Variants in MYO1D observed in about 807,000 individuals in gnomAD.
MYO1D encodes the protein myosin ID, also known as unconventional myosin-Id.
MYO1D carries 83 observed loss-of-function variants against 122.0 expected under a neutral mutation model. The observed-to-expected ratio is 0.68, with a 90% CI of 0.57 to 0.82. The LOEUF is 0.82. Among genes scored for constraint, MYO1D ranks in the 40% least tolerant of loss-of-function variants. The pLI, the probability that MYO1D is intolerant of heterozygous loss-of-function variation, is 0.00. For missense variants in MYO1D, 1,157 were observed against 1,269.5 expected (o/e 0.91, Z 1.35); for synonymous variants, 464 against 446.9 (o/e 1.04, Z -0.48).
chr17:32,810,847 A>T (rs2090564542), intron 1 of MYO1D, among the ~76,000 whole-genome samples: 1 of 151,172 alleles, frequency 6.6e-6, no homozygotes, highest in Admixed American at 6.6e-5. Flanking sequence ...CTGTTTGAGG[A>T]GTTGTCTTTT....
At chr17:32,721,226 G>C in intron 14 of MYO1D, 37 bp from the exon 15 acceptor site, 1 of 1,600,120 alleles carries the variant, frequency 6.2e-7, no homozygotes, top group Admixed American at 1.7e-5. Flanking sequence ...AGTTTCACTG[G>C]AGAAAATTTC....
At chr17:32,802,440 G>T (rs2090469072) in intron 1 of MYO1D, among the ~76,000 whole-genome samples, 1 of 152,096 alleles carries the variant, frequency 6.6e-6, no homozygotes. Context: ...GAAATAACTT[G>T]TAAAACATGG....
chr17:32,737,360 AACT>A (rs2089715801), intron 14 of MYO1D, among the ~76,000 whole-genome samples: 5 of 149,270 alleles, frequency 3.3e-5, no homozygotes, highest in Non-Finnish European at 5.9e-5. Flanking sequence ...TCAATAATAC[AACT>A]TTTTTTTTTT....
At chr17:32,613,586 C>T (rs1470990441) in intron 20 of MYO1D, among the ~76,000 whole-genome samples, 2 of 151,854 alleles carry the variant, frequency 1.3e-5, no homozygotes, top group South Asian at 2.1e-4. Flanking sequence ...TCATCCTAGC[C>T]AACATGGTGA....
intron 21 of MYO1D, among the ~76,000 whole-genome samples, chr17:32,549,220 G>C (rs1487288689): frequency 1.3e-5 from 2 of 152,076 alleles, no homozygotes; most frequent in African/African-American, 4.8e-5. Context: ...AGCCTCCAGA[G>C]CAGCTAGGAC....
intron 21 of MYO1D, among the ~76,000 whole-genome samples, chr17:32,567,632 T>C (rs917936448): frequency 1.3e-5 from 2 of 152,254 alleles, no homozygotes; most frequent in Admixed American, 1.3e-4. Context: ...AGCATGAACA[T>C]GCTAAGAACT....
At chr17:32,509,670 C>G (rs1393868600) in intron 21 of MYO1D, among the ~76,000 whole-genome samples, 1 of 151,986 alleles carries the variant, frequency 6.6e-6, no homozygotes, top group Non-Finnish European at 1.5e-5. Flanking sequence ...CTCACTGCAA[C>G]CTCCGCCTCC....
At chr17:32,762,711 T>A (rs1285292016) in intron 8 of MYO1D, among the ~76,000 whole-genome samples, 1 of 151,740 alleles carries the variant, frequency 6.6e-6, no homozygotes, top group Non-Finnish European at 1.5e-5. Context: ...CCATCTCTAC[T>A]AAAAATACAA....
At chr17:32,620,162 G>T (rs1408839160) in intron 20 of MYO1D, among the ~76,000 whole-genome samples, 2 of 152,150 alleles carry the variant, frequency 1.3e-5, no homozygotes, top group African/African-American at 4.8e-5. Context: ...ACCTAGGCAT[G>T]TCCCTCTGCT....
At chr17:32,644,322 C>T (rs543029035) in intron 19 of MYO1D, among the ~76,000 whole-genome samples, 1 of 152,264 alleles carries the variant, frequency 6.6e-6, no homozygotes, top group South Asian at 2.1e-4. Flanking sequence ...TTGAGGAGTG[C>T]TTTACTTCCA....
Position 32,737,891 on chromosome 17 carries a change from C to T in MYO1D, c.1746+362G>A, listed in dbSNP as rs1023685721. The stretch of plus-strand genomic sequence containing the variant: ...AATATATAAATGGTACATTTTACAA[C>T]TTAATTCAAGACTTTACTTATTTAT... On this transcript the variant is annotated intron_variant, in intron 14 of 21. Coordinates refer to ENST00000318217, the MANE Select transcript of MYO1D (RefSeq NM_015194.3). 4.6e-5 allele frequency among the ~76,000 whole-genome samples: 7 copies of T among 152,368 alleles called. No individual in the cohort carries two copies. The South Asian group carries it at 8.3e-4, about 18-fold the overall frequency.
chr17:32,648,768 T>C (rs965483130), intron 19 of MYO1D, among the ~76,000 whole-genome samples: 3 of 152,248 alleles, frequency 2.0e-5, no homozygotes, highest in African/African-American at 4.8e-5. Context: ...GTTTAGACCA[T>C]TGACATTTAA....
chr17:32,785,698 T>G (rs1289658991), intron 1 of MYO1D, among the ~76,000 whole-genome samples: 1 of 152,196 alleles, frequency 6.6e-6, no homozygotes, highest in Non-Finnish European at 1.5e-5. Context: ...CTCAACACAC[T>G]CTTCTATTGG....
chr17:32,727,566 G>A (rs2150995880), intron 14 of MYO1D: 1 of 152,304 alleles, frequency 6.6e-6, no homozygotes, highest in South Asian at 2.1e-4. Context: ...CTGAGGTTAA[G>A]CTGTCAAGGG....
intron 1 of MYO1D, 163 bp downstream of exon 1, chr17:32,876,615 C>G: frequency 1.9e-6 from 1 of 527,106 alleles, no homozygotes; most frequent in South Asian, 3.2e-5. Flanking sequence ...CTCGGGAAAG[C>G]GCAGCCGCGG....
chr17:32,681,564 G>C (rs1423983312), intron 16 of MYO1D, among the ~76,000 whole-genome samples: 1 of 151,850 alleles, frequency 6.6e-6, no homozygotes, highest in African/African-American at 2.4e-5. Context: ...GAGCGGCTTT[G>C]AGTGGGATTC....
At chr17:32,769,307 G>A (rs1315572457) in intron 6 of MYO1D, among the ~76,000 whole-genome samples, 2 of 152,200 alleles carry the variant, frequency 1.3e-5, no homozygotes, top group Non-Finnish European at 2.9e-5. Context: ...AGCTGTCCAT[G>A]AGTGTGGCAG....
rs1176877626 is a variant in MYO1D, at chr17:32,536,607, C to T, written c.2865-41692G>A. ...TTCCTAAGTTTTCAAGTGGATAATT[C>T]TAAAGACAACGCCAATTAATTAGTT... is the stretch of plus-strand genomic sequence containing the variant. On this transcript the variant is annotated intron_variant, in intron 21 of 21. Transcript: ENST00000318217. Among the ~76,000 whole-genome samples the T allele has an allele frequency of 3.0e-4, 46 of 152,120 alleles. 1 individual carries two copies. Among genetic ancestry groups the T allele is most frequent in the Admixed American group, 3.0e-3 (46 of 15,272 alleles).
chr17:32,582,256 G>A (rs1305292133), intron 21 of MYO1D, among the ~76,000 whole-genome samples: 7 of 152,118 alleles, frequency 4.6e-5, no homozygotes, highest in Non-Finnish European at 1.5e-5. Context: ...GCATTGATTT[G>A]AGACTTTTAA....
Sources: gnomAD v4.1 joint callset for allele counts (sites outside exome capture counted in the v4.1 genomes callset) on GRCh38, gnomAD v4.1.1 for gene constraint, MANE v1.5 for transcripts, NCBI Gene and HGNC (gene_info 2026-07-23, HGNC 2026-07-21) for gene names.